ST8SIA6: variants seen among roughly 807,000 people sequenced by gnomAD.
ST8SIA6 encodes the protein alpha-2,8-sialyltransferase 8F.
ST8SIA6 carries 39 observed loss-of-function variants against 33.6 expected under a neutral mutation model. The ratio of observed to expected loss-of-function variants is 1.16; its 90% CI spans 0.90 to 1.52. The LOEUF is 1.52. Ranked by LOEUF, ST8SIA6 falls within the 40% of genes most tolerant of loss-of-function variation. ST8SIA6 has a pLI of 0.00. For missense variants in ST8SIA6, 441 were observed against 443.8 expected (o/e 0.99, Z 0.06); for synonymous variants, 172 against 167.2 (o/e 1.03, Z -0.22).
At chr10:17,372,862 G>A (rs1455197206) in intron 3 of ST8SIA6, among the ~76,000 whole-genome samples, 2 of 152,082 alleles carry the variant, frequency 1.3e-5, no homozygotes, top group African/African-American at 2.4e-5. Flanking sequence ...GGTTTCATGG[G>A]GCAGCCCTCT....
chr10:17,333,711 A>ATTTT (rs1564405095), intron 4 of ST8SIA6, among the ~76,000 whole-genome samples: 8 of 24,354 alleles, frequency 3.3e-4, no homozygotes, highest in African/African-American at 1.9e-3. Context: ...ATATATATAT[A>ATTTT]TATATATTTT....
intron 4 of ST8SIA6, among the ~76,000 whole-genome samples, chr10:17,340,308 G>A (rs1330873423): frequency 1.3e-5 from 2 of 149,438 alleles, no homozygotes; most frequent in African/African-American, 5.1e-5. Flanking sequence ...GTTCCGTCCT[G>A]AGTCACCCCT....
intron 4 of ST8SIA6, among the ~76,000 whole-genome samples, chr10:17,347,542 G>T (rs1371216114): frequency 6.6e-6 from 1 of 152,066 alleles, no homozygotes; most frequent in Non-Finnish European, 1.5e-5. Flanking sequence ...ATCGGAGTGA[G>T]ATTGTGAAAA....
intron 3 of ST8SIA6, among the ~76,000 whole-genome samples, chr10:17,361,052 TA>T (rs1252721162): frequency 2.6e-5 from 4 of 151,906 alleles, no homozygotes; most frequent in Non-Finnish European, 5.9e-5. Context: ...AATAAGCAAA[TA>T]AAAGTAAAAA....
chr10:17,342,181 CA>C (rs1252056875), intron 4 of ST8SIA6, among the ~76,000 whole-genome samples: 1 of 152,116 alleles, frequency 6.6e-6, no homozygotes, highest in African/African-American at 2.4e-5. Flanking sequence ...GTCCATGGCC[CA>C]AGGTCATGGT....
chr10:17,329,917 T>C (rs2131583297), intron 5 of ST8SIA6, among the ~76,000 whole-genome samples: 1 of 152,308 alleles, frequency 6.6e-6, no homozygotes, highest in African/African-American at 2.4e-5. Flanking sequence ...GTGGAGGAAG[T>C]GGCTCCATAT....
chr10:17,326,354 C>T (rs1468885348), intron 6 of ST8SIA6, among the ~76,000 whole-genome samples: 1 of 152,166 alleles, frequency 6.6e-6, no homozygotes, highest in Admixed American at 6.5e-5. Flanking sequence ...GGATAAATTA[C>T]CTTTCCATTA....
In ST8SIA6 at chr10:17,337,537, G is replaced by C. The variant is rs535006622; in HGVS notation, c.378-5985C>G. Among the ~76,000 whole-genome samples, 3 of 152,242 alleles carry C rather than the reference G, an allele frequency of 2.0e-5. No individual in the cohort carries two copies. In the South Asian group the frequency reaches 6.2e-4, roughly 32 times the overall value. ...TAATCTAAGATGTCACAGGCTAAGG[G>C]GACTTTTCCAGCTTTTGTGTGCGGT... On this transcript the variant is annotated intron_variant, in intron 4 of 7. Coordinates refer to ENST00000377602, the MANE Select transcript of ST8SIA6 (RefSeq NM_001004470.3).
chr10:17,437,258 C>G (rs1406713499), intron 2 of ST8SIA6, among the ~76,000 whole-genome samples: 1 of 152,144 alleles, frequency 6.6e-6, no homozygotes, highest in African/African-American at 2.4e-5. Flanking sequence ...CTCCTGGACT[C>G]AAGCAATTCT....
intron 2 of ST8SIA6, among the ~76,000 whole-genome samples, chr10:17,395,481 A>T (rs1850772803): frequency 6.6e-6 from 1 of 151,896 alleles, no homozygotes; most frequent in African/African-American, 2.4e-5. Context: ...AAGAACCAAA[A>T]CCCTGAAGCC....
chr10:17,418,845 T>G (rs1295019565), intron 2 of ST8SIA6, among the ~76,000 whole-genome samples: 2 of 151,836 alleles, frequency 1.3e-5, no homozygotes, highest in African/African-American at 2.4e-5. Context: ...ATACAAAAAT[T>G]AGCCAAGCGT....
intron 3 of ST8SIA6, among the ~76,000 whole-genome samples, chr10:17,369,623 T>G (rs80276007): frequency 0.12 from 18,759 of 152,228 alleles, 1,269 homozygotes; most frequent in South Asian, 0.19. Context: ...AATCTTTTTC[T>G]CATTGTTCTA....
At chr10:17,423,487 G>A (rs1851842089) in intron 2 of ST8SIA6, among the ~76,000 whole-genome samples, 2 of 152,150 alleles carry the variant, frequency 1.3e-5, no homozygotes, top group South Asian at 4.1e-4. Flanking sequence ...CACAGTGTGG[G>A]TTTACATTAC....
rs1462680150 is a variant in ST8SIA6, at chr10:17,316,648, T to C, written c.*4230A>G. ...CCACACTTGAAGTTAATGACCTTAC[T>C]CATTTTTACCAATGCAATGGATGTA... On this transcript the variant is annotated 3_prime_UTR_variant, in exon 8 of 8. Coordinates refer to ENST00000377602, the MANE Select transcript of ST8SIA6 (RefSeq NM_001004470.3). Among the ~76,000 whole-genome samples, 3 of 152,144 alleles carry C rather than the reference T, an allele frequency of 2.0e-5. No homozygotes were observed. Among genetic ancestry groups the C allele is most frequent in the Non-Finnish European group, 4.4e-5 (3 of 67,978 alleles).
chr10:17,384,784 A>T (rs556905950), intron 3 of ST8SIA6, among the ~76,000 whole-genome samples: 1 of 152,312 alleles, frequency 6.6e-6, no homozygotes, highest in South Asian at 2.1e-4. Flanking sequence ...TTTCATACCT[A>T]CTTACTAATG....
At chr10:17,391,309 C>T (rs775329871) in intron 2 of ST8SIA6, among the ~76,000 whole-genome samples, 2 of 151,972 alleles carry the variant, frequency 1.3e-5, no homozygotes, top group Non-Finnish European at 2.9e-5. Context: ...GTCGCCCAGG[C>T]TGGAGTGCAG....
chr10:17,339,472 A>G (rs1272307755), intron 4 of ST8SIA6, among the ~76,000 whole-genome samples: 1 of 152,242 alleles, frequency 6.6e-6, no homozygotes, highest in Non-Finnish European at 1.5e-5. Flanking sequence ...TAGGAAAAAG[A>G]GTTTTAAAAT....
chr10:17,354,321 G>A (rs1458821056), intron 4 of ST8SIA6, among the ~76,000 whole-genome samples: 1 of 152,156 alleles, frequency 6.6e-6, no homozygotes, highest in East Asian at 1.9e-4. Context: ...AAAAATCAGA[G>A]GGAGAGACTG....
At chr10:17,352,722 T>C (rs1849073927) in intron 4 of ST8SIA6, among the ~76,000 whole-genome samples, 1 of 152,132 alleles carries the variant, frequency 6.6e-6, no homozygotes, top group African/African-American at 2.4e-5. Context: ...GGAGAGGAGC[T>C]AGTCCCTAAA....
Sources: gnomAD v4.1 joint callset for allele counts (sites outside exome capture counted in the v4.1 genomes callset) on GRCh38, gnomAD v4.1.1 for gene constraint, MANE v1.5 for transcripts, NCBI Gene and HGNC (gene_info 2026-07-23, HGNC 2026-07-21) for gene names.